SRSF11: variants seen among roughly 807,000 people sequenced by gnomAD.
SRSF11 encodes the protein serine and arginine rich splicing factor 11, also known as serine/arginine-rich splicing factor 11.
Under a neutral mutation model 56.0 loss-of-function variants are expected in SRSF11, and 9 were observed. The ratio of observed to expected loss-of-function variants is 0.16; its 90% confidence interval spans 0.10 to 0.28. The LOEUF (loss-of-function observed/expected upper bound fraction) is 0.28, where lower values mean the gene tolerates loss of function less well. Among genes scored for constraint, SRSF11 ranks in the 10% least tolerant of loss-of-function variants. SRSF11 has a pLI of 1.00. For missense variants in SRSF11, 421 were observed against 600.7 expected, an observed-to-expected ratio of 0.70 and a Z score of 3.13; for synonymous variants, 222 against 215.3, an observed-to-expected ratio of 1.03 and a Z score of -0.27.
intron 8 of SRSF11, 110 bp downstream of exon 8, chr1:70,244,925 A>G: frequency 3.0e-6 from 3 of 1,009,756 alleles, no homozygotes; most frequent in Non-Finnish European, 2.8e-6. Context: ...ATAGGGCTAG[A>G]CAGGGGAAGA....
intron 1 of SRSF11, among the ~76,000 whole-genome samples, chr1:70,223,994 A>G (rs169172): frequency 0.95 from 145,030 of 152,248 alleles, 69,168 homozygotes; most frequent in East Asian, 1. Flanking sequence ...TAAGGAGAGA[A>G]CGTCTGTACT....
rs1180403889 is a variant in SRSF11 at position 70,250,945 on chromosome 1, C to G, written c.*140C>G. ...AAATGGTTATAAAGCTCCTGTTACT[C>G]ATATTAGTTATTTACATCAAAAAGC... On this transcript the variant is annotated 3_prime_UTR_variant, in exon 12 of 12. Transcript: ENST00000370949. 1 of 699,204 alleles carries G rather than the reference C, an allele frequency of 1.4e-6. No homozygotes were observed. Among genetic ancestry groups the G allele is most frequent in the Non-Finnish European group, 2.3e-6 (1 of 427,266 alleles). 43.3% of individuals were successfully genotyped at this position (699,204 alleles called of 1,614,324 possible).
At position 70,251,919 on chromosome 1, in the gene SRSF11, AAGT is replaced by A. The variant is rs1156454994; in HGVS notation, c.*1117_*1119del. ...CTTCACTTTTGTGCAGTAGAAACAA[AAGT>A]AGGCTACAGTCTGTGCCATGTTGAT... On this transcript the variant is annotated 3_prime_UTR_variant, in exon 12 of 12. Coordinates refer to ENST00000370949, the MANE Select transcript of SRSF11 (RefSeq NM_001350605.2). 1 of 152,628 alleles carries A rather than the reference AAGT, an allele frequency of 6.6e-6. No individual in the cohort carries two copies. Among genetic ancestry groups the A allele is most frequent in the Non-Finnish European group, 1.5e-5 (1 of 68,008 alleles). The allele number at this position is 152,628 out of a possible 1,614,324, so 9.5% of individuals were successfully genotyped here. A position where few individuals can be genotyped will look rare whatever the true frequency, so the allele number is the denominator to read the frequency against.
At position 70,209,740 on chromosome 1, in the gene SRSF11, CTTTTTTTTTTTTTTTTTTT is replaced by C. The variant is rs923729248; in HGVS notation, c.-26+3981_-26+3999del. On this transcript the variant is annotated intron_variant, in intron 1 of 12. Coordinates refer to the SRSF11 transcript ENST00000370950. Reference sequence around the variant, plus strand: ...AGCTGGGACTAAAAGCACCTCGCTTCTTTTTTTTTTTTTTTTTTTTTTTTTTTTTTTTTTTTTTTGTAGA... The same window carrying C: ...AGCTGGGACTAAAAGCACCTCGCTTCTTTTTTTTTTTTTTTTTTTTGTAGA... 5.6e-3 allele frequency among the ~76,000 whole-genome samples: 153 copies of C among 27,464 alleles called. 1 individual carries two copies. Among genetic ancestry groups the C allele is most frequent in the Non-Finnish European group, 6.9e-3 (98 of 14,164 alleles). 18.0% of individuals were successfully genotyped at this position (27,464 alleles called of 152,430 possible). A position where few individuals can be genotyped will look rare whatever the true frequency, so the allele number is the denominator to read the frequency against.
intron 3 of SRSF11, among the ~76,000 whole-genome samples, chr1:70,233,174 G>T (rs1270586171): frequency 6.6e-6 from 1 of 151,700 alleles, no homozygotes; most frequent in Non-Finnish European, 1.5e-5. Context: ...ATAAAATGAG[G>T]ATCTGAGTAA....
intron 1 of SRSF11, among the ~76,000 whole-genome samples, chr1:70,224,534 AC>A (rs1671353819): frequency 6.6e-6 from 1 of 152,030 alleles, no homozygotes; most frequent in African/African-American, 2.4e-5. Context: ...ACTGAACCTC[AC>A]CCACACCTAC....
intron 2 of SRSF11, chr1:70,231,491 A>T: frequency 9.4e-7 from 1 of 1,059,868 alleles, no homozygotes; most frequent in Non-Finnish European, 1.1e-6. Context: ...TAGCTTTTCA[A>T]CTGGCACTGT....
chr1:70,230,183 A>G, intron 2 of SRSF11: 1 of 983,900 alleles, frequency 1.0e-6, no homozygotes. Flanking sequence ...TTCAGGCCAT[A>G]GTAATTTTTC....
chr1:70,236,927 ACAGGCGCCTG>A (rs1400549960), intron 5 of SRSF11, among the ~76,000 whole-genome samples: 2 of 147,120 alleles, frequency 1.4e-5, no homozygotes, highest in East Asian at 4.0e-4. Context: ...AGCTGGGACT[ACAGGCGCCTG>A]CCACCATGCC....
At chr1:70,230,646 T>G in intron 2 of SRSF11, 3 of 1,258,308 alleles carry the variant, frequency 2.4e-6, no homozygotes, top group Middle Eastern at 2.9e-4. Context: ...TATTTTTAAA[T>G]TGTAGTTTTA....
chr1:70,245,919 G>A (rs545632300), intron 8 of SRSF11, among the ~76,000 whole-genome samples: 63 of 152,254 alleles, frequency 4.1e-4, no homozygotes, highest in African/African-American at 1.5e-3. Context: ...TGGAAGGCAT[G>A]ACTGGGACCT....
chr1:70,236,435 ATTC>A (rs1398404828), intron 5 of SRSF11, among the ~76,000 whole-genome samples: 2 of 151,140 alleles, frequency 1.3e-5, no homozygotes, highest in Non-Finnish European at 2.9e-5. Flanking sequence ...GATTCAAGCA[ATTC>A]TTTTGCCTTA....
intron 1 of SRSF11, among the ~76,000 whole-genome samples, chr1:70,215,014 T>C (rs141696702): frequency 1.1e-3 from 167 of 150,624 alleles, no homozygotes; most frequent in African/African-American, 3.7e-3. Flanking sequence ...TTCTCCTGCC[T>C]CAGCCTCCGA....
rs1023654780 is a variant in SRSF11 at position 70,221,661 on chromosome 1, A to G, written c.25A>G (p.Ser9Gly). Residue 9 changes from serine (S) to glycine (G), a missense_variant, in exon 1 of 12, where the codon AGC becomes GGC. Physicochemically the swap from Ser to Gly is moderately conservative, Grantham distance 56. Transcript: ENST00000370949. ...CATGAGCAACACTACCGTCGTCCCC[A>G]GCACTGCAGGTCCGGGCCCCAGCGG... MSNTTVVP[S>G]TAGPGPSGGP... is the part of the protein sequence containing the mutation. 6.2e-7 allele frequency: 1 copy of G among 1,612,292 alleles called. No individual in the cohort carries two copies. The highest frequency in any genetic ancestry group is 8.5e-7 in the Non-Finnish European group (1 of 1,178,976).
At position 70,250,960 on chromosome 1, in the gene SRSF11, C is replaced by A; in HGVS notation, c.*155C>A. ...TCCTGTTACTCATATTAGTTATTTA[C>A]ATCAAAAAGCTTTTAGAAAATGGTA... On this transcript the variant is annotated 3_prime_UTR_variant, in exon 12 of 12. Transcript: ENST00000370949. 1.6e-6 allele frequency: 1 copy of A among 639,370 alleles called. No homozygotes were observed. Among genetic ancestry groups the A allele is most frequent in the Non-Finnish European group, 2.6e-6 (1 of 380,868 alleles). 39.6% of individuals were successfully genotyped at this position (639,370 alleles called of 1,614,324 possible). A position where few individuals can be genotyped will look rare whatever the true frequency, so the allele number is the denominator to read the frequency against.
At chr1:70,243,295 C>T (rs1395105696) in intron 7 of SRSF11, among the ~76,000 whole-genome samples, 2 of 126,406 alleles carry the variant, frequency 1.6e-5, no homozygotes, top group Non-Finnish European at 3.2e-5. Flanking sequence ...ATGGGTTCCT[C>T]ATCCTTCAAA....
intron 1 of SRSF11, among the ~76,000 whole-genome samples, chr1:70,212,133 A>G (rs1669611802): frequency 1.3e-5 from 2 of 152,212 alleles, no homozygotes; most frequent in Non-Finnish European, 2.9e-5. Flanking sequence ...TTTAAGAACT[A>G]AAATTGTTTA....
In SRSF11 at chr1:70,232,275, T is replaced by C. The variant is rs1672982122; in HGVS notation, c.345T>C (p.Ile115=). Residue 115 remains isoleucine (I), a synonymous_variant, in exon 3 of 12, where the codon ATT becomes ATC. Transcript: ENST00000370949. Reference sequence around the variant, plus strand: ...AAGGATGTTTCTCTGCAGGAGTTATTCCTGATGAAGCTAAAGCTTTGTCTC... The same window carrying C: ...AAGGATGTTTCTCTGCAGGAGTTATCCCTGATGAAGCTAAAGCTTTGTCTC... ...LIVVPYAEGV[I]PDEAKALSLL... 1 of 1,614,066 alleles carries C rather than the reference T, an allele frequency of 6.2e-7. No homozygotes were observed. Among genetic ancestry groups the C allele is most frequent in the African/African-American group, 1.3e-5 (1 of 74,910 alleles).
intron 3 of SRSF11, among the ~76,000 whole-genome samples, chr1:70,233,909 C>T (rs1038410461): frequency 6.6e-6 from 1 of 152,160 alleles, no homozygotes; most frequent in African/African-American, 2.4e-5. Flanking sequence ...TAGGGGAACT[C>T]TAATGAATAC....
Sources: allele counts gnomAD v4.1 joint callset (sites outside exome capture counted in the v4.1 genomes callset), GRCh38; gene constraint gnomAD v4.1.1; transcripts MANE v1.5; gene names NCBI Gene and HGNC (gene_info 2026-07-23, HGNC 2026-07-21).